Variants in XPO4 observed in about 807,000 individuals in gnomAD.
XPO4 encodes exportin 4, also known as exportin-4.
XPO4 carries 39 observed loss-of-function variants against 143.0 expected under a neutral mutation model. The observed-to-expected ratio is 0.27, with a 90% confidence interval of 0.21 to 0.36. XPO4 has a LOEUF of 0.36. Among genes scored for constraint, XPO4 ranks in the 10% least tolerant of loss-of-function variants. The pLI, the probability that XPO4 is intolerant of heterozygous loss-of-function variation, is 1.00. For synonymous variants in XPO4, 439 were observed against 474.0 expected, an observed-to-expected ratio of 0.93 and a Z score of 0.96; for missense variants, 907 against 1,348.0, an observed-to-expected ratio of 0.67 and a Z score of 5.12.
chr13:20,795,969 C>G (rs752257703), intron 18 of XPO4, 107 bp downstream of exon 18: 8 of 1,204,568 alleles, frequency 6.6e-6, no homozygotes, highest in Non-Finnish European at 9.2e-6. Context: ...TTCATTTATT[C>G]CATAAATTGA....
chr13:20,862,860 TGAG>T lies in XPO4; in HGVS notation c.176-5_176-3del. On this transcript the variant is annotated splice_region_variant and splice_polypyrimidine_tract_variant and intron_variant, in intron 2 of 22. Coordinates refer to ENST00000255305, the MANE Select transcript of XPO4 (RefSeq NM_022459.5). ...GGACATAGTCCACTTTACTAGTTTC[TGAG>T]GAGAAAATTAAAAACTTTATTTAAA... is the stretch of plus-strand genomic sequence containing the variant. 2 of 1,610,624 alleles carry T rather than the reference TGAG, an allele frequency of 1.2e-6. No homozygotes were observed. The highest frequency in any genetic ancestry group is 8.5e-7 in the Non-Finnish European group (1 of 1,179,074).
At chr13:20,783,971 G>A (rs1049376332) in intron 22 of XPO4, 52 bp from the exon 23 acceptor site, 24 of 1,567,006 alleles carry the variant, frequency 1.5e-5, no homozygotes, top group Non-Finnish European at 1.7e-5. Context: ...TATCATACAA[G>A]TAGATCTTAT....
At chr13:20,857,607 G>C (rs551736576) in intron 3 of XPO4, among the ~76,000 whole-genome samples, 42 of 152,054 alleles carry the variant, frequency 2.8e-4, no homozygotes, top group African/African-American at 9.9e-4. Context: ...GGCACCTGTA[G>C]TCCCAACTAC....
rs761939899 is a variant in XPO4, at chr13:20,842,937, G to A, written c.685C>T (p.Leu229Phe). Residue 229 changes from leucine (L) to phenylalanine (F), a missense_variant, in exon 6 of 23, where the codon CTC (leucine) becomes TTC (phenylalanine). Transcript: ENST00000255305. ...TTCCAGCTCAAGACTTGATTGGCGA[G>A]TGCAAGGTAACGCTGAAATACTGAA... is the stretch of plus-strand genomic sequence containing the variant. ...MSSVFQRYLALANQVLSWNFL... is the reference protein window; with the variant it reads ...MSSVFQRYLAFANQVLSWNFL... 1.2e-6 allele frequency: 2 copies of A among 1,613,286 alleles called. No homozygotes were observed.
intron 6 of XPO4, among the ~76,000 whole-genome samples, chr13:20,833,260 T>C (rs763601352): frequency 1.3e-5 from 2 of 152,168 alleles, no homozygotes; most frequent in South Asian, 4.1e-4. Flanking sequence ...AACAATGCAG[T>C]GAGCAAAAGC....
chr13:20,865,109 T>C (rs2060233732), intron 2 of XPO4, among the ~76,000 whole-genome samples: 1 of 150,968 alleles, frequency 6.6e-6, no homozygotes, highest in Admixed American at 6.6e-5. Context: ...AACTACAGGG[T>C]TTTCATGAAG....
intron 18 of XPO4, among the ~76,000 whole-genome samples, chr13:20,791,013 G>A (rs759008445): frequency 6.6e-5 from 10 of 152,046 alleles, no homozygotes; most frequent in Non-Finnish European, 1.5e-4. Context: ...TAAAAGGAAT[G>A]CGAGAAATAC....
chr13:20,902,130 C>T, intron 1 of XPO4: 13 of 985,410 alleles, frequency 1.3e-5, no homozygotes, highest in Non-Finnish European at 1.6e-5. Flanking sequence ...CTCCCTCCCT[C>T]CAGCCGGCCC....
intron 3 of XPO4, chr13:20,859,785 TAAAAAA>T: frequency 1.5e-6 from 1 of 680,010 alleles, no homozygotes; most frequent in Non-Finnish European, 1.8e-6. Flanking sequence ...CAAAAAAAAT[TAAAAAA>T]AAAAAAAGAA....
intron 3 of XPO4, chr13:20,858,042 T>C: frequency 1.1e-6 from 1 of 906,356 alleles, no homozygotes; most frequent in Non-Finnish European, 1.3e-6. Context: ...TAATCCACAC[T>C]GTAGGGCATT....
Position 20,788,515 on chromosome 13 carries a change from C to T in XPO4, c.3018G>A (p.Leu1006=). ...TCATTCCTAATTCTAGGGAGTACAT[C>T]AGACTTTTAAACAGATCCTCAGGAA... is the stretch of plus-strand genomic sequence containing the variant. ...PQLPEDLFKS[L]MYSLELGMTS... Residue 1006 remains leucine (L), a synonymous_variant, in exon 20 of 23, where the codon CTG becomes CTA. Transcript: ENST00000255305. The T allele has an allele frequency of 6.2e-7, 1 of 1,612,888 alleles. No homozygotes were observed. Among genetic ancestry groups the T allele is most frequent in the Non-Finnish European group, 8.5e-7 (1 of 1,179,518 alleles).
chr13:20,861,777 C>CTCTCTTTTTTTTTTTTTTT (rs1370810623), intron 3 of XPO4, among the ~76,000 whole-genome samples: 2 of 73,442 alleles, frequency 2.7e-5, no homozygotes, highest in African/African-American at 9.6e-5. Context: ...ACATTTCTCT[C>CTCTCTTTTTTTTTTTTTTT]TTTTTTTTTT....
At chr13:20,821,394 G>C (rs911357983) in intron 9 of XPO4, among the ~76,000 whole-genome samples, 3 of 151,178 alleles carry the variant, frequency 2.0e-5, no homozygotes, top group Admixed American at 1.3e-4. Context: ...AAGAGCCTTC[G>C]ACATAATTTT....
At position 20,781,726 on chromosome 13, in the gene XPO4, T is replaced by G. The variant is rs2059146284; in HGVS notation, c.*1996A>C. On this transcript the variant is annotated 3_prime_UTR_variant, in exon 23 of 23. Coordinates refer to ENST00000255305, the MANE Select transcript of XPO4 (RefSeq NM_022459.5). ...GCGCGTGGACCTGTCCAGTCAATTG[T>G]GTGTTTCAGTGCCCTTTGGTAAAGA... is the stretch of plus-strand genomic sequence containing the variant. The G allele has an allele frequency of 6.6e-6, 1 of 151,896 alleles. No individual in the cohort carries two copies. The highest frequency in any genetic ancestry group is 1.5e-5 in the Non-Finnish European group (1 of 67,950). 9.4% of individuals were successfully genotyped at this position (151,896 alleles called of 1,614,324 possible). A position where few individuals can be genotyped will look rare whatever the true frequency, so the allele number is the denominator to read the frequency against.
intron 2 of XPO4, chr13:20,866,032 G>T: frequency 2.0e-6 from 2 of 985,172 alleles, no homozygotes; most frequent in Non-Finnish European, 2.4e-6. Flanking sequence ...GTAAAAGAAT[G>T]CCACAAAGTT....
rs569006376 is a variant in XPO4, at chr13:20,791,272, C to T, written c.2798-692G>A. 3.9e-5 allele frequency among the ~76,000 whole-genome samples: 6 copies of T among 152,238 alleles called. No homozygotes were observed. The East Asian group carries it at 1.2e-3, about 29-fold the overall frequency. On this transcript the variant is annotated intron_variant, in intron 18 of 22. Coordinates refer to ENST00000255305, the MANE Select transcript of XPO4 (RefSeq NM_022459.5). Reference sequence around the variant, plus strand: ...AAAAGATACTACTTCTGATTCATTACATTAAAAATAATTTGTAAAAATGAT... The same window carrying T: ...AAAAGATACTACTTCTGATTCATTATATTAAAAATAATTTGTAAAAATGAT...
intron 18 of XPO4, 137 bp from the exon 19 acceptor site, chr13:20,790,717 G>T (rs974012125): frequency 1.2e-5 from 8 of 679,040 alleles, no homozygotes; most frequent in Non-Finnish European, 2.0e-5. Flanking sequence ...ATCTGACCTC[G>T]TCCTGCCTGG....
At chr13:20,824,392 A>T (rs573647700) in intron 7 of XPO4, among the ~76,000 whole-genome samples, 2 of 152,344 alleles carry the variant, frequency 1.3e-5, no homozygotes, top group Admixed American at 6.5e-5. Flanking sequence ...ATAAGAATAC[A>T]TCTCACAATC....
chr13:20,850,146 T>C (rs182406179), intron 4 of XPO4: 3 of 985,002 alleles, frequency 3.0e-6, no homozygotes, highest in Admixed American at 1.2e-4. Flanking sequence ...ACTCATAGCA[T>C]AAACATTTTC....
Sources: allele counts gnomAD v4.1 joint callset (sites outside exome capture counted in the v4.1 genomes callset), GRCh38; gene constraint gnomAD v4.1.1; transcripts MANE v1.5; gene names NCBI Gene and HGNC (gene_info 2026-07-23, HGNC 2026-07-21).